Variants in RAPGEF1 observed in about 807,000 individuals in gnomAD.
RAPGEF1 encodes Rap guanine nucleotide exchange factor 1.
Under a neutral mutation model 143.3 loss-of-function variants are expected in RAPGEF1, and 33 were observed. The ratio of observed to expected loss-of-function variants is 0.23; its 90% CI spans 0.17 to 0.31. RAPGEF1 has a LOEUF of 0.31. Ranked by LOEUF, RAPGEF1 falls within the 10% of genes least tolerant of loss-of-function variation. RAPGEF1 has a pLI of 1.00. For synonymous variants in RAPGEF1, 629 were observed against 676.5 expected, an observed-to-expected ratio of 0.93 and a Z score of 1.09; for missense variants, 1,199 against 1,645.4, an observed-to-expected ratio of 0.73 and a Z score of 4.69.
In RAPGEF1 at chr9:131,584,303, C is replaced by G. The variant is rs753643626; in HGVS notation, c.3414+8G>C. 6.2e-7 allele frequency: 1 copy of G among 1,606,480 alleles called. No individual in the cohort carries two copies. The highest frequency in any genetic ancestry group is 2.2e-5 in the East Asian group (1 of 44,534). ...CCACCCTCCCGCCCACGCCCCAAGG[C>G]CACTCACCTCTGAAGTCTGCTTCTG... On this transcript the variant is annotated splice_region_variant and intron_variant, in intron 24 of 26. Transcript: ENST00000683357. This position sits in a 1 kb window ranked among gnomAD's most constrained non-coding sequence, Gnocchi z 6.8.
intron 1 of RAPGEF1, among the ~76,000 whole-genome samples, chr9:131,720,378 T>C (rs1836178197): frequency 6.6e-6 from 1 of 152,196 alleles, no homozygotes; most frequent in African/African-American, 2.4e-5. Context: ...ACCCTTCCAA[T>C]TCCTCTCCAG....
intron 17 of RAPGEF1, among the ~76,000 whole-genome samples, chr9:131,595,926 G>A (rs917766265): frequency 6.6e-6 from 1 of 152,170 alleles, no homozygotes; most frequent in African/African-American, 2.4e-5. Context: ...ACAATAGAGT[G>A]ACTCAGCAGT....
In RAPGEF1 at chr9:131,658,013, T is replaced by C. The variant is rs79388556; in HGVS notation, c.62-7064A>G. Among the ~76,000 whole-genome samples the C allele has an allele frequency of 4.3e-3, 654 of 152,322 alleles. 3 individuals carry two copies. The highest frequency in any genetic ancestry group is 7.9e-3 in the Non-Finnish European group (538 of 68,026). On this transcript the variant is annotated intron_variant, in intron 1 of 26. Coordinates refer to ENST00000683357, the MANE Select transcript of RAPGEF1 (RefSeq NM_001377935.1). The stretch of plus-strand genomic sequence containing the variant: ...TTTCAATGCTGAGAAATTCCGTAGA[T>C]TCCATAATCCCAGCTTTATTTATCT...
intron 1 of RAPGEF1, among the ~76,000 whole-genome samples, chr9:131,672,274 T>C (rs1358714359): frequency 6.6e-6 from 1 of 152,250 alleles, no homozygotes; most frequent in Non-Finnish European, 1.5e-5. Context: ...ACACAAAATA[T>C]GTCAAAAATC....
intron 1 of RAPGEF1, among the ~76,000 whole-genome samples, chr9:131,698,585 G>A (rs182018676): frequency 1.6e-4 from 24 of 152,372 alleles, no homozygotes; most frequent in Middle Eastern, 3.4e-3. Flanking sequence ...TCTCCTGTTA[G>A]AAGGGCGGGT....
intron 1 of RAPGEF1, among the ~76,000 whole-genome samples, chr9:131,663,100 T>A (rs1216855009): frequency 1.3e-5 from 2 of 150,582 alleles, no homozygotes; most frequent in Non-Finnish European, 3.0e-5. Flanking sequence ...CTTTCCAAAG[T>A]TATATTTTGG....
chr9:131,628,565 A>G lies in RAPGEF1; in HGVS notation c.1001T>C (p.Val334Ala). 6.2e-7 allele frequency: 1 copy of G among 1,612,698 alleles called. No homozygotes were observed. Among genetic ancestry groups the G allele is most frequent in the Non-Finnish European group, 8.5e-7 (1 of 1,178,794 alleles). The change falls in exon 8 of 27, where the codon GTT becomes GCT. Residue 334 changes from valine (V) to alanine (A), a missense_variant. Physicochemically the swap from Val to Ala is moderately conservative, Grantham distance 64. Transcript: ENST00000683357. The surrounding 1 kb of genome is among the most constrained non-coding windows in gnomAD (Gnocchi z 5.7). ...CTGCATTACCTGCCTATTGATTCCA[A>G]CAGGCAAACTGGAGCCACTGGTGGC... ...SRATSGSSLP[V>A]GINRQDFDVD... is the part of the protein sequence containing the mutation.
chr9:131,633,216 A>G (rs540698692), intron 5 of RAPGEF1, among the ~76,000 whole-genome samples: 2 of 152,294 alleles, frequency 1.3e-5, no homozygotes, highest in Admixed American at 1.3e-4. Context: ...TACAAACAGG[A>G]CAAGATGGAG....
At chr9:131,632,134 T>TC (rs1491331922) in intron 5 of RAPGEF1, among the ~76,000 whole-genome samples, 5 of 107,194 alleles carry the variant, frequency 4.7e-5, no homozygotes, top group African/African-American at 1.5e-4. Flanking sequence ...AGACTCTCTC[T>TC]TTTTTTTTTT....
chr9:131,648,961 T>TTGGATAATCACTAAAGGATTAAGAATA (rs1970385101), intron 3 of RAPGEF1, among the ~76,000 whole-genome samples: 1 of 152,200 alleles, frequency 6.6e-6, no homozygotes, highest in Admixed American at 6.5e-5. Context: ...AAATTATACT[T>TTGGATAATCACTAAAGGATTAAGAATA]TGGATAATCA....
chr9:131,681,748 T>C (rs1832928706), intron 1 of RAPGEF1, among the ~76,000 whole-genome samples: 1 of 152,124 alleles, frequency 6.6e-6, no homozygotes, highest in South Asian at 2.1e-4. Context: ...TCATGCCGGA[T>C]GATGCCATAG....
At chr9:131,618,421 T>A (rs1428000246) in intron 12 of RAPGEF1, among the ~76,000 whole-genome samples, 1 of 152,224 alleles carries the variant, frequency 6.6e-6, no homozygotes, top group African/African-American at 2.4e-5. Context: ...ATGCTCACTA[T>A]TATTTTAAGC....
intron 1 of RAPGEF1, among the ~76,000 whole-genome samples, chr9:131,735,796 A>G (rs890368309): frequency 2.0e-5 from 3 of 152,180 alleles, no homozygotes; most frequent in African/African-American, 4.8e-5. Context: ...AGGCAGGAAC[A>G]AGCGCTCAGA....
chr9:131,628,399 G>T lies in RAPGEF1; in HGVS notation c.1017+150C>A. ...ATGGGAACTTGGACCGTGTCCTGGAGAGAGAGGGATGGGTACAAGGTCTCG... is the reference window on the plus strand; with the variant it reads ...ATGGGAACTTGGACCGTGTCCTGGATAGAGAGGGATGGGTACAAGGTCTCG... On this transcript the variant is annotated intron_variant, in intron 8 of 26. Transcript: ENST00000683357. The surrounding 1 kb of genome is among the most constrained non-coding windows in gnomAD (Gnocchi z 5.7). The T allele has an allele frequency of 8.7e-7, 1 of 1,146,692 alleles. No homozygotes were observed. Among genetic ancestry groups the T allele is most frequent in the Non-Finnish European group, 1.2e-6 (1 of 829,212 alleles). 71.0% of individuals were successfully genotyped at this position (1,146,692 alleles called of 1,614,324 possible). A position where few individuals can be genotyped will look rare whatever the true frequency, so the allele number is the denominator to read the frequency against.
chr9:131,706,916 G>C (rs568600914), intron 1 of RAPGEF1, among the ~76,000 whole-genome samples: 1 of 152,230 alleles, frequency 6.6e-6, no homozygotes, highest in East Asian at 1.9e-4. Flanking sequence ...ACTACCAACA[G>C]TGGTCCTACC....
At chr9:131,709,709 T>C (rs763453554) in intron 1 of RAPGEF1, 1 of 1,613,744 alleles carries the variant, frequency 6.2e-7, no homozygotes, top group East Asian at 2.2e-5. Context: ...CACAGGGCCC[T>C]TCCCAGCCCC....
In RAPGEF1 at chr9:131,628,067, C is replaced by T. The variant is rs1963781498; in HGVS notation, c.1047G>A (p.Arg349=). 7 of 1,569,922 alleles carry T rather than the reference C, an allele frequency of 4.5e-6. No homozygotes were observed. The highest frequency in any genetic ancestry group is 6.0e-6 in the Non-Finnish European group (7 of 1,158,338). ...ATGAGTGGCTGCCTCCTGACAGTCGCCTCTGTGCGTAACAGTCAACATCAA... is the reference window on the plus strand; with the variant it reads ...ATGAGTGGCTGCCTCCTGACAGTCGTCTCTGTGCGTAACAGTCAACATCAA... ...QDFDVDCYAQ[R]RLSGGSHSYG... Residue 349 remains arginine, a synonymous_variant, in exon 9 of 27, where the codon AGG becomes AGA. Transcript: ENST00000683357. The surrounding 1 kb of genome is among the most constrained non-coding windows in gnomAD (Gnocchi z 5.7).
At chr9:131,616,546 G>A (rs958743368) in intron 12 of RAPGEF1, among the ~76,000 whole-genome samples, 1 of 152,194 alleles carries the variant, frequency 6.6e-6, no homozygotes, top group Non-Finnish European at 1.5e-5. Context: ...CATTTAAATT[G>A]TTCCACACAG....
At chr9:131,657,055 A>T (rs1011006878) in intron 1 of RAPGEF1, among the ~76,000 whole-genome samples, 14 of 152,252 alleles carry the variant, frequency 9.2e-5, no homozygotes, top group African/African-American at 3.1e-4. Flanking sequence ...TGTTTGTCAC[A>T]TCCTTCTTGA....
Sources: allele counts gnomAD v4.1 joint callset (sites outside exome capture counted in the v4.1 genomes callset), GRCh38; gene constraint gnomAD v4.1.1; non-coding constraint Gnocchi (gnomAD v3.1); transcripts MANE v1.5; gene names NCBI Gene and HGNC (gene_info 2026-07-23, HGNC 2026-07-21).